The following ADCY8 variants were observed in gnomAD, a reference collection of about 807,000 sequenced individuals.
ADCY8 encodes the protein adenylate cyclase 8.
In ADCY8, 51 loss-of-function variants were observed where a neutral mutation model predicts 119.7. That is an observed-to-expected ratio of 0.43 (90% CI 0.34 to 0.54). The LOEUF (loss-of-function observed/expected upper bound fraction) is 0.54. Among genes scored for constraint, ADCY8 ranks in the 20% least tolerant of loss-of-function variants. The probability of loss-of-function intolerance (pLI) is 0.03; values close to 1 mark genes in which losing one functional copy is unlikely to be tolerated. For missense variants in ADCY8, 1,383 were observed against 1,598.8 expected (o/e 0.87, Z 2.30); for synonymous variants, 665 against 651.0 (o/e 1.02, Z -0.33).
At position 130,903,806 on chromosome 8, in the gene ADCY8, T is replaced by C; in HGVS notation, c.1877A>G (p.Glu626Gly). 1 of 1,613,198 alleles carries C rather than the reference T, an allele frequency of 6.2e-7. No individual in the cohort carries two copies. The highest frequency in any genetic ancestry group is 8.5e-7 in the Non-Finnish European group (1 of 1,179,978). ...CCCCACGATATTATCAAAGGGCAGT[T>C]CAGGGCTCCAGGATCCTTCAGTGAA... ...ATFTEGSWSP[E>G]LPFDNIVGKQ... The change falls in exon 7 of 18, where the codon GAA (glutamate) becomes GGA (glycine). Residue 626 changes from glutamate (E) to glycine (G), a missense_variant. This residue lies in a region of ADCY8 where 928 missense variants were observed against 1,163.5 expected (regional missense o/e 0.80). Coordinates refer to ENST00000286355, the MANE Select transcript of ADCY8 (RefSeq NM_001115.3).
intron 3 of ADCY8, chr8:130,949,548 T>C (rs1174383705): frequency 1.3e-5 from 2 of 152,230 alleles, no homozygotes; most frequent in Admixed American, 6.5e-5. Context: ...ACACCACCTA[T>C]GATTCTCTGC....
In ADCY8 at chr8:130,947,692, G is replaced by T. The variant is rs144297810; in HGVS notation, c.1241+4176C>A. 6.3e-3 allele frequency among the ~76,000 whole-genome samples: 956 copies of T among 152,252 alleles called. 5 individuals carry two copies. Among genetic ancestry groups the T allele is most frequent in the Non-Finnish European group, 0.012 (788 of 68,008 alleles). On this transcript the variant is annotated intron_variant, in intron 3 of 17. Transcript: ENST00000286355. ...GGATTTTTTTGATCCTTGACAATTGGTCACTAAAATATCTACCATGGCATA... is the reference window on the plus strand; with the variant it reads ...GGATTTTTTTGATCCTTGACAATTGTTCACTAAAATATCTACCATGGCATA...
At position 130,870,928 on chromosome 8, in the gene ADCY8, A is replaced by G. The variant is rs75456292; in HGVS notation, c.2110-2982T>C. Among the ~76,000 whole-genome samples the G allele has an allele frequency of 7.0e-3, 1,057 of 152,016 alleles. 15 individuals are homozygous for G. Among genetic ancestry groups the G allele is most frequent in the African/African-American group, 0.025 (1,025 of 41,524 alleles). On this transcript the variant is annotated intron_variant, in intron 8 of 17. Transcript: ENST00000286355. ...AAATGGGAACATTAATATAGTTCAT[A>G]AGTTTGGCGTTAATGTAGTTCATAA... is the stretch of plus-strand genomic sequence containing the variant.
At chr8:131,001,124 G>A (rs536132793) in intron 1 of ADCY8, among the ~76,000 whole-genome samples, 18 of 152,204 alleles carry the variant, frequency 1.2e-4, no homozygotes, top group African/African-American at 4.1e-4. Flanking sequence ...GAAAAGCTAA[G>A]GCCCTGAGAG....
chr8:130,836,354 A>G lies in ADCY8; in HGVS notation c.2598T>C (p.Ile866=). ...TCTCAGTGAGCAGGGCATAGATGGC[A>G]ATCATGATCAGCAGCACTGCCAGCT... is the stretch of plus-strand genomic sequence containing the variant. ...VLKLAVLLIM[I]AIYALLTETV... Residue 866 remains isoleucine, a synonymous_variant, in exon 12 of 18, where the codon ATT becomes ATC. Coordinates refer to ENST00000286355, the MANE Select transcript of ADCY8 (RefSeq NM_001115.3). 6.2e-7 allele frequency: 1 copy of G among 1,614,006 alleles called. No homozygotes were observed. Among genetic ancestry groups the G allele is most frequent in the Non-Finnish European group, 8.5e-7 (1 of 1,179,896 alleles).
At chr8:130,849,551 T>G (rs1372314818) in intron 10 of ADCY8, 51 bp downstream of exon 10, 3 of 1,592,000 alleles carry the variant, frequency 1.9e-6, no homozygotes, top group East Asian at 4.5e-5. Flanking sequence ...ATAAACTTCA[T>G]GCTCAACTGC....
chr8:130,916,858 G>T (rs963771655), intron 5 of ADCY8, among the ~76,000 whole-genome samples: 1 of 152,150 alleles, frequency 6.6e-6, no homozygotes, highest in African/African-American at 2.4e-5. Context: ...TCTGTTCGGG[G>T]CTCTCAGCTC....
intron 16 of ADCY8, among the ~76,000 whole-genome samples, chr8:130,784,861 AAC>A (rs34421903): frequency 0.59 from 89,936 of 151,810 alleles, 27,277 homozygotes; most frequent in African/African-American, 0.67. Flanking sequence ...ATATTCTTTT[AAC>A]ACTAATTGAG....
At chr8:130,789,250 C>T (rs1815349918) in intron 15 of ADCY8, among the ~76,000 whole-genome samples, 1 of 152,110 alleles carries the variant, frequency 6.6e-6, no homozygotes, top group African/African-American at 2.4e-5. Context: ...AAGACATTCC[C>T]TAAACTCTAA....
At position 130,836,268 on chromosome 8, in the gene ADCY8, G is replaced by C; in HGVS notation, c.2675+9C>G. 1 of 1,606,396 alleles carries C rather than the reference G, an allele frequency of 6.2e-7. No individual in the cohort carries two copies. The highest frequency in any genetic ancestry group is 1.1e-5 in the South Asian group (1 of 90,162). The stretch of plus-strand genomic sequence containing the variant: ...AGCACACTTTGGACTCACGGTGGTG[G>C]GCACTTACTCTCCACTGTGGTTGAG... On this transcript the variant is annotated intron_variant, in intron 12 of 17. Coordinates refer to ENST00000286355, the MANE Select transcript of ADCY8 (RefSeq NM_001115.3).
chr8:130,882,316 T>C (rs1240361675), intron 8 of ADCY8, among the ~76,000 whole-genome samples: 1 of 152,130 alleles, frequency 6.6e-6, no homozygotes, highest in East Asian at 1.9e-4. Context: ...ACAGAGGAAC[T>C]GCATATTAAT....
chr8:131,039,154 A>T (rs377536240), intron 1 of ADCY8, among the ~76,000 whole-genome samples: 2 of 152,374 alleles, frequency 1.3e-5, no homozygotes, highest in East Asian at 3.9e-4. Flanking sequence ...GAATCAGAGT[A>T]GAAGGGTAGA....
intron 2 of ADCY8, among the ~76,000 whole-genome samples, chr8:130,958,308 T>C (rs1028150201): frequency 5.9e-5 from 9 of 152,128 alleles, no homozygotes; most frequent in African/African-American, 1.4e-4. Context: ...TTGTAGAAAA[T>C]TGAATGCATA....
At chr8:131,035,256 C>A (rs1824115094) in intron 1 of ADCY8, among the ~76,000 whole-genome samples, 1 of 152,046 alleles carries the variant, frequency 6.6e-6, no homozygotes, top group African/African-American at 2.4e-5. Context: ...CTAGTGCTAC[C>A]TATAGCTGAG....
At chr8:130,978,433 G>T (rs553460322) in intron 2 of ADCY8, among the ~76,000 whole-genome samples, 1 of 152,284 alleles carries the variant, frequency 6.6e-6, no homozygotes, top group Admixed American at 6.5e-5. Flanking sequence ...AAAGAGAGAA[G>T]AAAATGATTC....
chr8:131,012,958 T>TAACA (rs1196061174), intron 1 of ADCY8, among the ~76,000 whole-genome samples: 1 of 152,186 alleles, frequency 6.6e-6, no homozygotes, highest in Non-Finnish European at 1.5e-5. Flanking sequence ...TTTGAACAAC[T>TAACA]AACAAATGTG....
intron 9 of ADCY8, among the ~76,000 whole-genome samples, chr8:130,865,080 A>G (rs1818068950): frequency 1.3e-5 from 2 of 152,060 alleles, no homozygotes; most frequent in African/African-American, 4.8e-5. Flanking sequence ...CCCTCTTGAT[A>G]TGGGCTTCCC....
chr8:130,981,865 T>C (rs532406024), intron 2 of ADCY8, among the ~76,000 whole-genome samples: 1 of 152,320 alleles, frequency 6.6e-6, no homozygotes, highest in South Asian at 2.1e-4. Flanking sequence ...CTCTCATCTA[T>C]TGAGGCCCCA....
intron 17 of ADCY8, among the ~76,000 whole-genome samples, chr8:130,782,092 G>A (rs1509858): frequency 0.61 from 92,533 of 151,384 alleles, 29,111 homozygotes; most frequent in African/African-American, 0.73. Context: ...AGTATATCTC[G>A]GAGTAAGGAG....
Sources: gnomAD v4.1 joint callset for allele counts (sites outside exome capture counted in the v4.1 genomes callset) on GRCh38, gnomAD v4.1.1 for gene constraint, gnomAD v4.1.1 regional missense constraint, MANE v1.5 for transcripts, NCBI Gene and HGNC (gene_info 2026-07-23, HGNC 2026-07-21) for gene names.